Variants in GCM1 observed in about 807,000 individuals in gnomAD.
GCM1 encodes the protein GCM transcription factor 1.
Under a neutral mutation model 25.7 loss-of-function variants are expected in GCM1, and 2 were observed. The observed-to-expected ratio is 0.08, with a 90% CI of 0.03 to 0.24. GCM1 has a LOEUF of 0.24. Ranked by LOEUF, GCM1 falls within the 10% of genes least tolerant of loss-of-function variation. GCM1 has a pLI of 1.00. For synonymous variants in GCM1, 183 were observed against 195.7 expected (o/e 0.94, Z 0.54); for missense variants, 395 against 538.7 (o/e 0.73, Z 2.64).
intron 2 of GCM1, among the ~76,000 whole-genome samples, chr6:53,144,129 G>A (rs1763919086): frequency 6.6e-6 from 1 of 152,178 alleles, no homozygotes; most frequent in African/African-American, 2.4e-5. Flanking sequence ...AGTGATACAT[G>A]TTGAAAATCA....
In GCM1 at chr6:53,128,036, A is replaced by AAAAAAAAAAC; in HGVS notation, c.*169_*170insGTTTTTTTTT. 1 of 283,356 alleles carries AAAAAAAAAAC rather than the reference A, an allele frequency of 3.5e-6. No homozygotes were observed. Among genetic ancestry groups the AAAAAAAAAAC allele is most frequent in the Non-Finnish European group, 6.4e-6 (1 of 155,432 alleles). 17.6% of individuals were successfully genotyped at this position (283,356 alleles called of 1,614,324 possible). ...AGAGCAAGACTCTGTCTCAAAAAAA[A>AAAAAAAAAAC]AAAAAAAAAAAAAAAAAGAAGGAAA... On this transcript the variant is annotated 3_prime_UTR_variant, in exon 6 of 6. Transcript: ENST00000259803.
chr6:53,148,407 A>T (rs567229345), intron 1 of GCM1, among the ~76,000 whole-genome samples: 1 of 152,210 alleles, frequency 6.6e-6, no homozygotes, highest in Admixed American at 6.5e-5. Flanking sequence ...TAATAAAGAA[A>T]ATTTTATTAC....
chr6:53,143,093 G>T (rs1763904422), intron 2 of GCM1, among the ~76,000 whole-genome samples: 2 of 151,988 alleles, frequency 1.3e-5, no homozygotes, highest in Non-Finnish European at 2.9e-5. Context: ...AGACGAGGAT[G>T]GTATTCTCTC....
intron 2 of GCM1, among the ~76,000 whole-genome samples, chr6:53,136,655 C>T (rs1328857582): frequency 1.3e-5 from 2 of 152,166 alleles, no homozygotes; most frequent in African/African-American, 4.8e-5. Flanking sequence ...ATGCTTCATA[C>T]CTTGCCAAGC....
At chr6:53,133,057 C>A (rs1235770873) in intron 3 of GCM1, among the ~76,000 whole-genome samples, 1 of 152,210 alleles carries the variant, frequency 6.6e-6, no homozygotes, top group Admixed American at 6.5e-5. Flanking sequence ...CATTAATGCA[C>A]ACATTGAGAT....
intron 1 of GCM1, among the ~76,000 whole-genome samples, chr6:53,148,546 C>A (rs910457084): frequency 2.0e-5 from 3 of 152,152 alleles, no homozygotes; most frequent in Non-Finnish European, 4.4e-5. Flanking sequence ...CATTTTACAG[C>A]CCTTAAGTAA....
At chr6:53,134,694 G>A (rs1763772757) in intron 2 of GCM1, among the ~76,000 whole-genome samples, 1 of 152,238 alleles carries the variant, frequency 6.6e-6, no homozygotes, top group Non-Finnish European at 1.5e-5. Context: ...AGGGCCCAGT[G>A]TGGTAGGGTG....
intron 3 of GCM1, among the ~76,000 whole-genome samples, chr6:53,132,536 A>G (rs985601501): frequency 2.6e-5 from 4 of 152,186 alleles, no homozygotes; most frequent in African/African-American, 4.8e-5. Flanking sequence ...ATATGGTGAA[A>G]TCCCATCTCT....
rs367931296 is a variant in GCM1 at position 53,140,327 on chromosome 6, C to G, written c.75+5231G>C. Among the ~76,000 whole-genome samples, 6 of 152,162 alleles carry G rather than the reference C, an allele frequency of 3.9e-5. No homozygotes were observed. In the South Asian group the frequency reaches 1.2e-3, roughly 32 times the overall value. Reference sequence around the variant, plus strand: ...ACCAAGACACATCTGAGTACTACAACTGGCTTGTTCTGATTACATGTGGCC... The same window carrying G: ...ACCAAGACACATCTGAGTACTACAAGTGGCTTGTTCTGATTACATGTGGCC... On this transcript the variant is annotated intron_variant, in intron 2 of 5. Coordinates refer to ENST00000259803, the MANE Select transcript of GCM1 (RefSeq NM_003643.4).
intron 2 of GCM1, among the ~76,000 whole-genome samples, chr6:53,143,370 CTT>C (rs1763908251): frequency 1.3e-5 from 2 of 152,150 alleles, no homozygotes; most frequent in African/African-American, 2.4e-5. Flanking sequence ...GTCTTCATCT[CTT>C]GTTTATGGAT....
Position 53,128,028 on chromosome 6 carries a change from CAAAAAA to C in GCM1, c.*172_*177del, listed in dbSNP as rs1223691364. On this transcript the variant is annotated 3_prime_UTR_variant, in exon 6 of 6. Transcript: ENST00000259803. ...TGGGCAAAAGAGCAAGACTCTGTCT[CAAAAAA>C]AAAAAAAAAAAAAAAAAAAGAAGGA... The C allele has an allele frequency of 4.0e-3, 265 of 66,348 alleles. 1 individual carries two copies. The highest frequency in any genetic ancestry group is 0.02 in the East Asian group (47 of 2,320). 4.1% of individuals were successfully genotyped at this position (66,348 alleles called of 1,614,324 possible).
chr6:53,146,217 T>TATA lies in GCM1; in HGVS notation c.-136-450_-136-449insTAT, dbSNP rs546236039. On this transcript the variant is annotated intron_variant, in intron 1 of 5. Coordinates refer to ENST00000259803, the MANE Select transcript of GCM1 (RefSeq NM_003643.4). Reference sequence around the variant, plus strand: ...TTTTATATATATATATATATATATATTTTTTTTTTTTTTTTTTTTTGAGAT... The same window carrying TATA: ...TTTTATATATATATATATATATATATATATTTTTTTTTTTTTTTTTTTTGAGAT... Among the ~76,000 whole-genome samples, 292 of 30,644 alleles carry TATA rather than the reference T, an allele frequency of 9.5e-3. 1 individual carries two copies. The highest frequency in any genetic ancestry group is 0.074 in the East Asian group (81 of 1,098). The allele number at this position is 30,644 out of a possible 152,430, so 20.1% of individuals were successfully genotyped here. A position where few individuals can be genotyped will look rare whatever the true frequency, so the allele number is the denominator to read the frequency against.
At chr6:53,147,976 C>T (rs1318085332) in intron 1 of GCM1, among the ~76,000 whole-genome samples, 2 of 152,166 alleles carry the variant, frequency 1.3e-5, no homozygotes, top group Non-Finnish European at 2.9e-5. Context: ...ATCAGAGTCT[C>T]TTCCTGTCTG....
chr6:53,133,792 C>T (rs1763759374), intron 3 of GCM1, among the ~76,000 whole-genome samples: 2 of 152,218 alleles, frequency 1.3e-5, no homozygotes, highest in South Asian at 4.1e-4. Context: ...CCACACCTGC[C>T]ATCTTCCCTT....
intron 2 of GCM1, among the ~76,000 whole-genome samples, chr6:53,138,728 A>G (rs1249147551): frequency 6.6e-6 from 1 of 152,200 alleles, no homozygotes; most frequent in Admixed American, 6.5e-5. Flanking sequence ...CAACATGTAG[A>G]CCTAGCTAAT....
At position 53,134,301 on chromosome 6, in the gene GCM1, G is replaced by A; in HGVS notation, c.99C>T (p.Phe33=). Residue 33 remains phenylalanine, a synonymous_variant, in exon 3 of 6, where the codon TTC becomes TTT. Coordinates refer to ENST00000259803, the MANE Select transcript of GCM1 (RefSeq NM_003643.4). ...TGGCATAGGAATCTGGCCACTCCTG[G>A]AACCAGTCGGTTTTTTTCACGTTCT... ...LPQNVKKTDW[F]QEWPDSYAKH... The A allele has an allele frequency of 6.2e-7, 1 of 1,613,912 alleles. No individual in the cohort carries two copies. Among genetic ancestry groups the A allele is most frequent in the Non-Finnish European group, 8.5e-7 (1 of 1,179,790 alleles).
intron 3 of GCM1, among the ~76,000 whole-genome samples, chr6:53,132,334 G>T (rs1484995220): frequency 6.6e-6 from 1 of 152,220 alleles, no homozygotes; most frequent in Non-Finnish European, 1.5e-5. Flanking sequence ...GATAGGGGAA[G>T]TGGTTGCCTA....
At position 53,140,471 on chromosome 6, in the gene GCM1, G is replaced by T. The variant is rs139838346; in HGVS notation, c.75+5087C>A. Among the ~76,000 whole-genome samples, 332 of 142,472 alleles carry T rather than the reference G, an allele frequency of 2.3e-3. 4 individuals are homozygous for T. Among genetic ancestry groups the T allele is most frequent in the African/African-American group, 8.2e-3 (321 of 38,910 alleles). The allele number at this position is 142,472 out of a possible 152,430, so 93.5% of individuals were successfully genotyped here. A position where few individuals can be genotyped will look rare whatever the true frequency, so the allele number is the denominator to read the frequency against. On this transcript the variant is annotated intron_variant, in intron 2 of 5. Coordinates refer to ENST00000259803, the MANE Select transcript of GCM1 (RefSeq NM_003643.4). Reference sequence around the variant, plus strand: ...TCATAGTCCAGGAATGAACTAATCAGAACTGTGGCCCCTTTGCAGTTGACT... The same window carrying T: ...TCATAGTCCAGGAATGAACTAATCATAACTGTGGCCCCTTTGCAGTTGACT...
chr6:53,128,068 A>T lies in GCM1; in HGVS notation c.*138T>A. On this transcript the variant is annotated 3_prime_UTR_variant, in exon 6 of 6. Coordinates refer to ENST00000259803, the MANE Select transcript of GCM1 (RefSeq NM_003643.4). ...AAAAAAAAAAAGAAGGAAAAAAGAA[A>T]AAGAAAAAAGCCTTGTCTACTGCTT... 1 of 473,880 alleles carries T rather than the reference A, an allele frequency of 2.1e-6. No individual in the cohort carries two copies. Among genetic ancestry groups the T allele is most frequent in the Non-Finnish European group, 3.6e-6 (1 of 279,246 alleles). The allele number at this position is 473,880 out of a possible 1,614,324, so 29.4% of individuals were successfully genotyped here.
Sources: gnomAD v4.1 joint callset for allele counts (sites outside exome capture counted in the v4.1 genomes callset) on GRCh38, gnomAD v4.1.1 for gene constraint, MANE v1.5 for transcripts, NCBI Gene and HGNC (gene_info 2026-07-23, HGNC 2026-07-21) for gene names.